The following COG5 variants were observed in gnomAD, a reference collection of about 807,000 sequenced individuals.
COG5 encodes conserved oligomeric Golgi complex subunit 5.
Under a neutral mutation model 110.4 loss-of-function variants are expected in COG5, and 86 were observed. That is an observed-to-expected ratio of 0.78 (90% CI 0.65 to 0.93). The LOEUF (loss-of-function observed/expected upper bound fraction) is 0.93. COG5 is among the 40% of genes least tolerant of loss of function. The pLI, the probability that COG5 is intolerant of heterozygous loss-of-function variation, is 0.00. For synonymous variants in COG5, 360 were observed against 334.6 expected, an observed-to-expected ratio of 1.08 and a Z score of -0.83; for missense variants, 1,077 against 987.0, an observed-to-expected ratio of 1.09 and a Z score of -1.22.
intron 14 of COG5, among the ~76,000 whole-genome samples, chr7:107,259,803 G>A (rs1402359247): frequency 6.6e-6 from 1 of 152,056 alleles, no homozygotes; most frequent in Non-Finnish European, 1.5e-5. Flanking sequence ...GAGTAGATAT[G>A]CTTGCTGCTA....
intron 17 of COG5, among the ~76,000 whole-genome samples, chr7:107,245,767 T>C (rs1347101468): frequency 6.6e-6 from 1 of 152,228 alleles, no homozygotes; most frequent in African/African-American, 2.4e-5. Context: ...AGAATCAGTA[T>C]GATTACAATG....
At chr7:107,347,495 G>A (rs548175179) in intron 10 of COG5, among the ~76,000 whole-genome samples, 6 of 152,242 alleles carry the variant, frequency 3.9e-5, no homozygotes, top group African/African-American at 1.4e-4. Flanking sequence ...CAAATGTGAA[G>A]ATAAACAATA....
At chr7:107,526,534 C>T (rs566410098) in intron 6 of COG5, among the ~76,000 whole-genome samples, 2 of 152,274 alleles carry the variant, frequency 1.3e-5, no homozygotes, top group South Asian at 4.1e-4. Flanking sequence ...TGGGATTTGT[C>T]ATGTTAAAAA....
intron 10 of COG5, among the ~76,000 whole-genome samples, chr7:107,345,662 A>G (rs956890084): frequency 6.6e-6 from 1 of 152,204 alleles, no homozygotes; most frequent in African/African-American, 2.4e-5. Flanking sequence ...ATCAGAGAAC[A>G]TATAGGTAAT....
At chr7:107,263,584 CAG>C (rs1402163913) in intron 14 of COG5, among the ~76,000 whole-genome samples, 1 of 152,080 alleles carries the variant, frequency 6.6e-6, no homozygotes, top group Non-Finnish European at 1.5e-5. Flanking sequence ...CACACACGTG[CAG>C]ACACACACAA....
chr7:107,509,010 G>A (rs536454629), intron 6 of COG5, among the ~76,000 whole-genome samples: 198 of 152,312 alleles, frequency 1.3e-3, no homozygotes, highest in African/African-American at 3.8e-3. Flanking sequence ...CCAAAGGAAC[G>A]CAGCTCCTCA....
Position 107,258,347 on chromosome 7 carries a change from GC to G in COG5, c.1611del (p.Pro538LeufsTer12). ...STQGDASQVI[G>X]PLTEGQRRNV... ...TTTCTTCTCTGTCCTTCAGTAAGAGGCCCAATCACCTGACTTGCATCTCCTT... is the reference window on the plus strand; with the variant it reads ...TTTCTTCTCTGTCCTTCAGTAAGAGGCCAATCACCTGACTTGCATCTCCTT... On this transcript the variant is annotated frameshift_variant, in exon 15 of 22. Transcript: ENST00000297135. LOFTEE classifies it high-confidence loss of function. 1 of 1,612,592 alleles carries G rather than the reference GC, an allele frequency of 6.2e-7. No homozygotes were observed.
chr7:107,208,542 G>A (rs1229675342), intron 21 of COG5: 2 of 985,166 alleles, frequency 2.0e-6, no homozygotes, highest in Non-Finnish European at 2.4e-6. Flanking sequence ...TGAATCTTTG[G>A]GACTCGGGAA....
intron 6 of COG5, among the ~76,000 whole-genome samples, chr7:107,520,374 T>C (rs1285751801): frequency 6.6e-6 from 1 of 152,146 alleles, no homozygotes; most frequent in Non-Finnish European, 1.5e-5. Context: ...CCAGATGACA[T>C]AACTGTATAT....
At chr7:107,466,756 CAGAG>C (rs879463937) in intron 6 of COG5, among the ~76,000 whole-genome samples, 2 of 152,280 alleles carry the variant, frequency 1.3e-5, no homozygotes, top group East Asian at 3.9e-4. Flanking sequence ...GCTCCAGTAT[CAGAG>C]AGAGTTCAAG....
intron 7 of COG5, among the ~76,000 whole-genome samples, chr7:107,385,805 CTTTTTTTTT>C (rs57758483): frequency 8.2e-5 from 10 of 122,332 alleles, no homozygotes; most frequent in African/African-American, 2.1e-4. Flanking sequence ...TTGTTATTTT[CTTTTTTTTT>C]TTTTTTTTTG....
At chr7:107,427,770 A>C (rs1287481734) in intron 6 of COG5, among the ~76,000 whole-genome samples, 2 of 152,026 alleles carry the variant, frequency 1.3e-5, no homozygotes. Flanking sequence ...GTTACAGCTC[A>C]TACACACATT....
chr7:107,238,886 G>A (rs1486799731), intron 17 of COG5, among the ~76,000 whole-genome samples: 2 of 152,136 alleles, frequency 1.3e-5, no homozygotes, highest in Non-Finnish European at 2.9e-5. Context: ...TATTTTGGAC[G>A]TTAATCCCCG....
intron 10 of COG5, among the ~76,000 whole-genome samples, chr7:107,325,341 C>T (rs115944992): frequency 0.013 from 2,049 of 152,222 alleles, 43 homozygotes; most frequent in African/African-American, 0.046. Context: ...GAAATGCCAA[C>T]TTCATATGGT....
chr7:107,364,376 A>C (rs1300196767), intron 8 of COG5, among the ~76,000 whole-genome samples: 3 of 152,334 alleles, frequency 2.0e-5, no homozygotes, highest in Non-Finnish European at 4.4e-5. Context: ...CATTGGTTTC[A>C]GTCAGGGGAA....
chr7:107,242,581 A>G (rs1801730088), intron 17 of COG5, among the ~76,000 whole-genome samples: 1 of 152,334 alleles, frequency 6.6e-6, no homozygotes, highest in African/African-American at 2.4e-5. Context: ...TGCCCCTGCA[A>G]TGGAACTGCC....
intron 6 of COG5, among the ~76,000 whole-genome samples, chr7:107,507,583 G>A (rs1335654752): frequency 6.6e-6 from 1 of 151,276 alleles, no homozygotes; most frequent in Non-Finnish European, 1.5e-5. Flanking sequence ...CTGGATTACA[G>A]GCATGAACGA....
At chr7:107,242,606 A>G (rs1199302681) in intron 17 of COG5, among the ~76,000 whole-genome samples, 1 of 152,214 alleles carries the variant, frequency 6.6e-6, no homozygotes, top group East Asian at 1.9e-4. Flanking sequence ...TCACCCCTGG[A>G]TTAATGAAGG....
intron 3 of COG5, among the ~76,000 whole-genome samples, chr7:107,550,384 T>A (rs993623241): frequency 6.6e-6 from 1 of 152,210 alleles, no homozygotes; most frequent in African/African-American, 2.4e-5. Flanking sequence ...AATCTCATCA[T>A]ACAATAACCT....
Sources: allele counts gnomAD v4.1 joint callset (sites outside exome capture counted in the v4.1 genomes callset), GRCh38; gene constraint gnomAD v4.1.1; transcripts MANE v1.5; gene names NCBI Gene and HGNC (gene_info 2026-07-23, HGNC 2026-07-21).